Variants in PYGO1 observed in about 807,000 individuals in gnomAD.
PYGO1 encodes the protein pygopus homolog 1.
In PYGO1, 6 loss-of-function variants were observed where a neutral mutation model predicts 29.5. That is an observed-to-expected ratio of 0.20 (90% CI 0.11 to 0.40). The LOEUF (loss-of-function observed/expected upper bound fraction) is 0.40. Ranked by LOEUF, PYGO1 falls within the 10% of genes least tolerant of loss-of-function variation. The probability of loss-of-function intolerance (pLI) is 1.00; values close to 1 mark genes in which losing one functional copy is unlikely to be tolerated. For synonymous variants in PYGO1, 186 were observed against 180.5 expected (o/e 1.03, Z -0.24); for missense variants, 515 against 514.9 (o/e 1.00, Z 0.00).
chr15:55,587,767 G>A, intron 1 of PYGO1, 68 bp downstream of exon 1: 2 of 1,444,914 alleles, frequency 1.4e-6, no homozygotes, highest in South Asian at 2.6e-5. Context: ...GCCTCCCGGC[G>A]GCCGGGCACG....
chr15:55,588,741 C>G, upstream of PYGO1: 1 of 1,548,788 alleles, frequency 6.5e-7, no homozygotes, highest in Non-Finnish European at 8.9e-7. Context: ...CTCCGAACTT[C>G]GTCGGAGGCC....
intron 1 of PYGO1, among the ~76,000 whole-genome samples, chr15:55,574,374 C>G (rs184368315): frequency 1.3e-5 from 2 of 152,278 alleles, no homozygotes; most frequent in Admixed American, 1.3e-4. Context: ...ACCTTCCTCT[C>G]TACTGCAAAT....
At chr15:55,551,785 C>G (rs1369307842) in intron 1 of PYGO1, among the ~76,000 whole-genome samples, 1 of 151,894 alleles carries the variant, frequency 6.6e-6, no homozygotes, top group African/African-American at 2.4e-5. Context: ...CTAGCCTGGG[C>G]AACAGAGCAA....
chr15:55,544,410 T>G lies in PYGO1; in HGVS notation c.*1613A>C, dbSNP rs1378537158. On this transcript the variant is annotated 3_prime_UTR_variant, in exon 3 of 3. Transcript: ENST00000563719. ...AAAAGCTCCAAATGATAGACAGTAG[T>G]CCATGGAATAAAGGTCCAGTGACTA... 1 of 152,122 alleles carries G rather than the reference T, an allele frequency of 6.6e-6. No homozygotes were observed. The highest frequency in any genetic ancestry group is 1.9e-4 in the East Asian group (1 of 5,190). 9.4% of individuals were successfully genotyped at this position (152,122 alleles called of 1,614,324 possible). A position where few individuals can be genotyped will look rare whatever the true frequency, so the allele number is the denominator to read the frequency against.
At chr15:55,557,505 C>A (rs1470075783) in intron 1 of PYGO1, among the ~76,000 whole-genome samples, 1 of 152,214 alleles carries the variant, frequency 6.6e-6, no homozygotes, top group Non-Finnish European at 1.5e-5. Flanking sequence ...GGGCCAGCAT[C>A]ATCTTGATAC....
Position 55,587,993 on chromosome 15 carries a change from T to C in PYGO1, c.-110A>G. 1 of 1,386,536 alleles carries C rather than the reference T, an allele frequency of 7.2e-7. No individual in the cohort carries two copies. The highest frequency in any genetic ancestry group is 9.4e-7 in the Non-Finnish European group (1 of 1,062,962). The allele number at this position is 1,386,536 out of a possible 1,614,324, so 85.9% of individuals were successfully genotyped here. A position where few individuals can be genotyped will look rare whatever the true frequency, so the allele number is the denominator to read the frequency against. Reference sequence around the variant, plus strand: ...GGCCGCTGCGGCTGCGAGGCAAGCCTCGGAGCCGAGGCACGGCCGAGGGCG... The same window carrying C: ...GGCCGCTGCGGCTGCGAGGCAAGCCCCGGAGCCGAGGCACGGCCGAGGGCG... On this transcript the variant is annotated 5_prime_UTR_variant, in exon 1 of 3. Coordinates refer to ENST00000563719, the MANE Select transcript of PYGO1 (RefSeq NM_001367806.1).
At position 55,543,352 on chromosome 15, in the gene PYGO1, C is replaced by T. The variant is rs1222378087; in HGVS notation, c.*2671G>A. On this transcript the variant is annotated 3_prime_UTR_variant, in exon 3 of 3. Transcript: ENST00000563719. ...GCATTATGTAGAGACAAATGTAGAA[C>T]TAGCAGGAAAATTAATTCAAACACA... is the stretch of plus-strand genomic sequence containing the variant. 1 of 152,096 alleles carries T rather than the reference C, an allele frequency of 6.6e-6. No individual in the cohort carries two copies. The highest frequency in any genetic ancestry group is 1.5e-5 in the Non-Finnish European group (1 of 68,014). 9.4% of individuals were successfully genotyped at this position (152,096 alleles called of 1,614,324 possible). A position where few individuals can be genotyped will look rare whatever the true frequency, so the allele number is the denominator to read the frequency against.
intron 1 of PYGO1, among the ~76,000 whole-genome samples, chr15:55,554,762 G>C (rs62020045): frequency 0.054 from 8,226 of 152,080 alleles, 283 homozygotes; most frequent in Middle Eastern, 0.068. Flanking sequence ...CCAAGCAAAG[G>C]AAAGAATCTC....
rs186132550 is a variant in PYGO1, at chr15:55,572,292, T to C, written c.49+15543A>G. Among the ~76,000 whole-genome samples the C allele has an allele frequency of 2.9e-3, 434 of 152,084 alleles. 2 individuals carry two copies. Among genetic ancestry groups the C allele is most frequent in the Non-Finnish European group, 4.3e-3 (291 of 67,982 alleles). The stretch of plus-strand genomic sequence containing the variant: ...TGGCAAAGGTACCAAGAGTACAAAA[T>C]GGAGAAAGGATAGTCTAGTCCCTCC... On this transcript the variant is annotated intron_variant, in intron 1 of 2. Transcript: ENST00000563719.
intron 1 of PYGO1, among the ~76,000 whole-genome samples, chr15:55,563,438 C>T (rs2141661092): frequency 6.8e-6 from 1 of 147,688 alleles, no homozygotes; most frequent in East Asian, 2.1e-4. Flanking sequence ...ACAATCTTGG[C>T]TCACTTCAAC....
intron 1 of PYGO1, among the ~76,000 whole-genome samples, chr15:55,554,468 C>CAG (rs1436539278): frequency 8.1e-6 from 1 of 122,898 alleles, no homozygotes; most frequent in Non-Finnish European, 1.6e-5. Context: ...GACTCTGTCT[C>CAG]AAAAAAAAAA....
rs536464835 is a variant in PYGO1 at position 55,540,625 on chromosome 15, T to A, written c.*5398A>T. 6.6e-6 allele frequency: 1 copy of A among 152,158 alleles called. No homozygotes were observed. Among genetic ancestry groups the A allele is most frequent in the East Asian group, 1.9e-4 (1 of 5,200 alleles). 9.4% of individuals were successfully genotyped at this position (152,158 alleles called of 1,614,324 possible). A position where few individuals can be genotyped will look rare whatever the true frequency, so the allele number is the denominator to read the frequency against. ...TAGAGTAGCTTAAAACATACCAGCA[T>A]AAGAAATAATTAGTATTACATAGTA... is the stretch of plus-strand genomic sequence containing the variant. On this transcript the variant is annotated 3_prime_UTR_variant, in exon 3 of 3. Coordinates refer to ENST00000563719, the MANE Select transcript of PYGO1 (RefSeq NM_001367806.1).
chr15:55,571,674 G>A (rs965587305), intron 1 of PYGO1, among the ~76,000 whole-genome samples: 2 of 152,092 alleles, frequency 1.3e-5, no homozygotes, highest in Non-Finnish European at 2.9e-5. Flanking sequence ...CAGCCACATG[G>A]AACTGTAAGT....
chr15:55,568,210 T>C (rs1472711387), intron 1 of PYGO1, among the ~76,000 whole-genome samples: 1 of 152,172 alleles, frequency 6.6e-6, no homozygotes, highest in Non-Finnish European at 1.5e-5. Context: ...TTCATGAGCA[T>C]AGAATGTTTT....
chr15:55,576,760 CA>C (rs10648446), intron 1 of PYGO1, among the ~76,000 whole-genome samples: 1 of 53,544 alleles, frequency 1.9e-5, no homozygotes, highest in African/African-American at 6.3e-5. Flanking sequence ...GGCGACAGAT[CA>C]AAAAAAAGAA....
intron 1 of PYGO1, among the ~76,000 whole-genome samples, chr15:55,555,145 G>C (rs1231295730): frequency 1.3e-5 from 2 of 152,064 alleles, no homozygotes; most frequent in East Asian, 3.9e-4. Context: ...AAACCAATCA[G>C]ACTAACAGTA....
At chr15:55,583,377 GAA>G (rs139459778) in intron 1 of PYGO1, among the ~76,000 whole-genome samples, 3 of 140,380 alleles carry the variant, frequency 2.1e-5, no homozygotes, top group African/African-American at 7.8e-5. Context: ...TTTTTCCAAT[GAA>G]AAAAAAAAAA....
rs530285623 is a variant in PYGO1 at position 55,571,528 on chromosome 15, T to G, written c.49+16307A>C. ...GGTCTTTCCTATGCTGGTTTTATGA[T>G]AGTGAATAAGTCTCACGAGATCTGA... On this transcript the variant is annotated intron_variant, in intron 1 of 2. Coordinates refer to ENST00000563719, the MANE Select transcript of PYGO1 (RefSeq NM_001367806.1). Among the ~76,000 whole-genome samples, 4 of 152,284 alleles carry G rather than the reference T, an allele frequency of 2.6e-5. No individual in the cohort carries two copies. In the East Asian group the frequency reaches 7.7e-4, roughly 29 times the overall value.
intron 1 of PYGO1, among the ~76,000 whole-genome samples, chr15:55,563,597 G>A (rs953555600): frequency 6.6e-6 from 1 of 152,070 alleles, no homozygotes; most frequent in Non-Finnish European, 1.5e-5. Context: ...TGATCCGCCT[G>A]CCTCGGCCTC....
Sources: allele counts gnomAD v4.1 joint callset (sites outside exome capture counted in the v4.1 genomes callset), GRCh38; gene constraint gnomAD v4.1.1; transcripts MANE v1.5; gene names NCBI Gene and HGNC (gene_info 2026-07-23, HGNC 2026-07-21).